Variants in ACSL4 observed in about 807,000 individuals in gnomAD.
ACSL4 encodes acyl-CoA synthetase long chain family member 4.
ACSL4 carries 9 observed loss-of-function variants against 49.1 expected under a neutral mutation model. That is an observed-to-expected ratio of 0.18 (90% CI 0.11 to 0.32). The LOEUF is 0.32. Ranked by LOEUF, ACSL4 falls within the 10% of genes least tolerant of loss-of-function variation. ACSL4 has a pLI of 1.00. For missense variants in ACSL4, 333 were observed against 493.7 expected (o/e 0.67, Z 3.08); for synonymous variants, 191 against 170.3 (o/e 1.12, Z -0.95).
chrX:109,663,586 G>C (rs1922358645), intron 12 of ACSL4, among the ~76,000 whole-genome samples, 184 bp from the exon 13 acceptor site: 1 of 111,296 alleles, frequency 9.0e-6, no homozygotes, highest in African/African-American at 3.3e-5. Context: ...AGAACACCAA[G>C]AAAGGCTCAA....
rs903908300 is a variant in ACSL4, at chrX:109,649,459, A to C, written c.1856-5273T>G. On this transcript the variant is annotated intron_variant, in intron 15 of 15. Coordinates refer to ENST00000672401, the MANE Select transcript of ACSL4 (RefSeq NM_001318510.2). ...CCTATTTAATAAATGGTGCTGGGAA[A>C]ACTGGCTAGCCATATGTAGAAAGCT... Among the ~76,000 whole-genome samples the C allele has an allele frequency of 7.1e-5, 8 of 112,034 alleles. No individual in the cohort carries two copies. The South Asian group carries it at 2.2e-3, about 31-fold the overall frequency.
At chrX:109,726,684 T>C (rs1271283275) in intron 1 of ACSL4, among the ~76,000 whole-genome samples, 1 of 111,077 alleles carries the variant, frequency 9.0e-6, no homozygotes, top group African/African-American at 3.3e-5. Context: ...TTTATTTTAT[T>C]TATTTATTTT....
chrX:109,681,472 C>A, intron 4 of ACSL4, 97 bp from the exon 5 acceptor site: 1 of 598,224 alleles, frequency 1.7e-6, no homozygotes. Flanking sequence ...CACTTAGAGA[C>A]ACAAAGACAT....
chrX:109,703,974 T>C (rs891695436), intron 1 of ACSL4, among the ~76,000 whole-genome samples: 5 of 111,462 alleles, frequency 4.5e-5, no homozygotes, highest in Admixed American at 1.9e-4. Flanking sequence ...ATAAATATTG[T>C]GGGGTTTTTT....
chrX:109,722,395 CTTTTA>C (rs1927625808), intron 1 of ACSL4, among the ~76,000 whole-genome samples: 1 of 111,854 alleles, frequency 8.9e-6, no homozygotes, highest in African/African-American at 3.2e-5. Flanking sequence ...ATTTTCTTTA[CTTTTA>C]TAAGTTGCAA....
chrX:109,713,079 G>A (rs1926870793), intron 1 of ACSL4, among the ~76,000 whole-genome samples: 1 of 109,522 alleles, frequency 9.1e-6, no homozygotes, highest in Non-Finnish European at 1.9e-5. Flanking sequence ...AGGGAAGAAG[G>A]GAAGAAGGGA....
chrX:109,654,805 G>A (rs929009171), intron 15 of ACSL4, among the ~76,000 whole-genome samples: 3 of 111,976 alleles, frequency 2.7e-5, no homozygotes, highest in Non-Finnish European at 3.8e-5. Flanking sequence ...AAGTTCTCCC[G>A]CACCCTATGC....
At chrX:109,656,039 A>G (rs926355687) in intron 15 of ACSL4, among the ~76,000 whole-genome samples, 5 of 111,162 alleles carry the variant, frequency 4.5e-5, no homozygotes, top group African/African-American at 9.9e-5. Context: ...GTAAACCAGG[A>G]AAGAGACAGA....
intron 15 of ACSL4, among the ~76,000 whole-genome samples, chrX:109,648,549 C>T (rs1469074585): frequency 1.8e-5 from 2 of 111,516 alleles, no homozygotes; most frequent in African/African-American, 3.3e-5. Flanking sequence ...CTATCTATGA[C>T]AAACCCACAG....
intron 11 of ACSL4, among the ~76,000 whole-genome samples, chrX:109,665,831 C>T (rs779771847): frequency 7.2e-5 from 8 of 111,757 alleles, no homozygotes; most frequent in Non-Finnish European, 1.3e-4. Context: ...GTAACATGGA[C>T]AAGTAACTTA....
chrX:109,644,217 G>T lies in ACSL4; in HGVS notation c.1856-31C>A, dbSNP rs191859320. 45 of 1,173,302 alleles carry T rather than the reference G, an allele frequency of 3.8e-5. 1 individual carries two copies. Among genetic ancestry groups the T allele is most frequent in the Middle Eastern group, 4.7e-4 (2 of 4,246 alleles). The stretch of plus-strand genomic sequence containing the variant: ...ATTAGAAGTGAAAGATGGGAGAAAA[G>T]GAGAGGGGGGGAAAGAGACGAGAAA... On this transcript the variant is annotated intron_variant, in intron 15 of 15. Transcript: ENST00000672401.
rs149537681 is a variant in ACSL4 at position 109,671,795 on chromosome X, G to C, written c.1002+2607C>G. ...CCTTACCCCCAACCCCATGCTCTCT[G>C]AAACATGTGCTGTGTCCACTAAGGG... is the stretch of plus-strand genomic sequence containing the variant. On this transcript the variant is annotated intron_variant, in intron 9 of 15. Transcript: ENST00000672401. 2.8e-3 allele frequency among the ~76,000 whole-genome samples: 308 copies of C among 111,354 alleles called. 1 individual carries two copies. Among genetic ancestry groups the C allele is most frequent in the African/African-American group, 9.3e-3 (286 of 30,609 alleles).
chrX:109,710,739 C>A (rs187475008), intron 1 of ACSL4, among the ~76,000 whole-genome samples: 1 of 111,752 alleles, frequency 8.9e-6, no homozygotes, highest in Non-Finnish European at 1.9e-5. Context: ...GAGATGGGGT[C>A]TTGCTTTGTC....
At chrX:109,694,682 A>C (rs1223288485) in intron 2 of ACSL4, among the ~76,000 whole-genome samples, 1 of 111,564 alleles carries the variant, frequency 9.0e-6, no homozygotes, top group Non-Finnish European at 1.9e-5. Flanking sequence ...TTAAACTGAA[A>C]ATGTTTAGCT....
chrX:109,675,188 A>G (rs1366921830), intron 8 of ACSL4, among the ~76,000 whole-genome samples: 3 of 112,985 alleles, frequency 2.7e-5, no homozygotes, highest in Admixed American at 9.3e-5. Flanking sequence ...TGCAGAAACA[A>G]AATGGGCTCT....
In ACSL4 at chrX:109,667,173, A is replaced by G. The variant is rs370730318; in HGVS notation, c.1315+928T>C. Among the ~76,000 whole-genome samples the G allele has an allele frequency of 2.7e-5, 3 of 112,596 alleles. No homozygotes were observed. In the East Asian group the frequency reaches 8.3e-4, roughly 31 times the overall value. ...TTGATTTTGGACACAATGAGTTTAA[A>G]GCGAAAATAAGATTATCCAAAAAAA... On this transcript the variant is annotated intron_variant, in intron 11 of 15. Coordinates refer to ENST00000672401, the MANE Select transcript of ACSL4 (RefSeq NM_001318510.2).
intron 14 of ACSL4, among the ~76,000 whole-genome samples, chrX:109,659,988 G>GA (rs1213246873): frequency 0.01 from 1,018 of 100,963 alleles, 8 homozygotes; most frequent in African/African-American, 0.024. Context: ...AAAACTGCTA[G>GA]AAAAAAAAAA....
intron 15 of ACSL4, among the ~76,000 whole-genome samples, chrX:109,646,229 C>T (rs5985755): frequency 0.055 from 6,120 of 110,721 alleles, 401 homozygotes; most frequent in African/African-American, 0.18. Flanking sequence ...TCAGATTCAC[C>T]AAAGTTGAAA....
At chrX:109,732,493 C>T (rs925049120) in intron 1 of ACSL4, among the ~76,000 whole-genome samples, 3 of 111,501 alleles carry the variant, frequency 2.7e-5, no homozygotes, top group African/African-American at 9.8e-5. Flanking sequence ...ATATATAGCA[C>T]CCACTGAAGG....
Sources: allele counts gnomAD v4.1 joint callset (sites outside exome capture counted in the v4.1 genomes callset), GRCh38; gene constraint gnomAD v4.1.1; transcripts MANE v1.5; gene names NCBI Gene and HGNC (gene_info 2026-07-23, HGNC 2026-07-21).